TLR6: variants seen among roughly 807,000 people sequenced by gnomAD.
The protein encoded by TLR6 is toll-like receptor 6.
Under a neutral mutation model 16.1 loss-of-function variants are expected in TLR6, and 9 were observed. That is an observed-to-expected ratio of 0.56 (90% confidence interval 0.34 to 0.98). The LOEUF (loss-of-function observed/expected upper bound fraction) is 0.98. TLR6 is among the 50% of genes least tolerant of loss of function. The pLI, the probability that TLR6 is intolerant of heterozygous loss-of-function variation, is 0.02. For synonymous variants in TLR6, 340 were observed against 338.6 expected, an observed-to-expected ratio of 1.00 and a Z score of -0.04; for missense variants, 786 against 921.0, an observed-to-expected ratio of 0.85 and a Z score of 1.90.
intron 1 of TLR6, among the ~76,000 whole-genome samples, chr4:38,855,006 G>C (rs1008833061): frequency 6.6e-6 from 1 of 152,074 alleles, no homozygotes; most frequent in African/African-American, 2.4e-5. Flanking sequence ...TCAGGAGATC[G>C]AGACCATCCT....
chr4:38,860,736 T>C (rs539041750), upstream of TLR6, among the ~76,000 whole-genome samples: 52 of 151,860 alleles, frequency 3.4e-4, no homozygotes, highest in Non-Finnish European at 6.2e-4. Flanking sequence ...CTCAAACACA[T>C]GGAAAGGTAT....
exon 2 of TLR6, chr4:38,824,165 T>A (rs1727441054): frequency 1.3e-5 from 2 of 151,254 alleles, no homozygotes; most frequent in Admixed American, 6.6e-5. Context: ...TTCAGAGTCA[T>A]TTGCTCATCC....
chr4:38,852,881 G>A (rs1712824521), intron 1 of TLR6, among the ~76,000 whole-genome samples: 1 of 152,120 alleles, frequency 6.6e-6, no homozygotes, highest in Non-Finnish European at 1.5e-5. Flanking sequence ...CCATTACTGG[G>A]TATATACCCA....
the TLR6 span, chr4:38,868,058 A>T: frequency 1.5e-5 from 6 of 412,876 alleles, no homozygotes; most frequent in Admixed American, 5.1e-5. Flanking sequence ...CGGGCGTGTG[A>T]GTGTGTGTGT....
chr4:38,840,589 G>A (rs56386148), intron 1 of TLR6, among the ~76,000 whole-genome samples: 4,773 of 150,672 alleles, frequency 0.032, 223 homozygotes, highest in African/African-American at 0.089. Context: ...AGCCGAGATC[G>A]CGCCATTACA....
chr4:38,861,038 T>A (rs1010765812), upstream of TLR6, among the ~76,000 whole-genome samples: 7 of 152,100 alleles, frequency 4.6e-5, no homozygotes, highest in African/African-American at 1.4e-4. Context: ...TCTAGTGGTC[T>A]ATATCTTCTT....
chr4:38,839,117 G>A (rs1712106327), intron 1 of TLR6, among the ~76,000 whole-genome samples: 1 of 116,680 alleles, frequency 8.6e-6, no homozygotes, highest in South Asian at 3.6e-4. Context: ...GGCAAAGGGA[G>A]GGGAGGAAGG....
chr4:38,866,164 A>T, the TLR6 span, among the ~76,000 whole-genome samples: 141 of 151,502 alleles, frequency 9.3e-4, no homozygotes, highest in African/African-American at 3.2e-3. Context: ...AGCTTAAAAA[A>T]TTATTAATAT....
At chr4:38,833,459 A>G (rs562385697) in intron 1 of TLR6, among the ~76,000 whole-genome samples, 1 of 152,338 alleles carries the variant, frequency 6.6e-6, no homozygotes, top group Non-Finnish European at 1.5e-5. Context: ...TGAAGAAATC[A>G]TACAGAAACT....
intron 1 of TLR6, among the ~76,000 whole-genome samples, chr4:38,850,700 T>G (rs1466043577): frequency 1.3e-5 from 2 of 152,206 alleles, no homozygotes; most frequent in South Asian, 2.1e-4. Flanking sequence ...AATCCCTGAA[T>G]AGGCCAATAA....
At chr4:38,826,150 T>C (rs183861776) in exon 2 of TLR6, 2 of 152,470 alleles carry the variant, frequency 1.3e-5, no homozygotes, top group East Asian at 3.9e-4. Flanking sequence ...CCTTCTACCA[T>C]GCTGAGTCCC....
chr4:38,845,978 G>T (rs1712509642), intron 1 of TLR6, among the ~76,000 whole-genome samples: 1 of 151,620 alleles, frequency 6.6e-6, no homozygotes, highest in Non-Finnish European at 1.5e-5. Flanking sequence ...TGCAGTCCCA[G>T]CTATTCAGGA....
intron 1 of TLR6, among the ~76,000 whole-genome samples, chr4:38,845,207 C>T (rs1579255509): frequency 2.0e-5 from 3 of 152,090 alleles, no homozygotes; most frequent in East Asian, 1.9e-4. Flanking sequence ...CTATATTGAT[C>T]GATTGATAGA....
intron 1 of TLR6, among the ~76,000 whole-genome samples, chr4:38,837,708 T>G (rs1712005478): frequency 6.6e-6 from 1 of 152,028 alleles, no homozygotes; most frequent in Non-Finnish European, 1.5e-5. Context: ...TGGCTAAAAT[T>G]TCAAAAGTAC....
chr4:38,847,231 T>G (rs1712567683), intron 1 of TLR6, among the ~76,000 whole-genome samples: 1 of 152,198 alleles, frequency 6.6e-6, no homozygotes, highest in South Asian at 2.1e-4. Flanking sequence ...CTCAAATATC[T>G]AACTTTAATC....
exon 2 of TLR6, chr4:38,825,795 T>C (rs1727516907): frequency 6.6e-6 from 1 of 152,220 alleles, no homozygotes; most frequent in African/African-American, 2.4e-5. Flanking sequence ...CAAAGCCATG[T>C]GAAGAAATTC....
intron 1 of TLR6, among the ~76,000 whole-genome samples, chr4:38,844,753 A>T (rs1015848772): frequency 6.6e-6 from 1 of 152,226 alleles, no homozygotes; most frequent in African/African-American, 2.4e-5. Context: ...TTAAAATCAC[A>T]TTTAAAAATG....
intron 1 of TLR6, among the ~76,000 whole-genome samples, chr4:38,832,675 T>C (rs1711671982): frequency 6.6e-6 from 1 of 152,092 alleles, no homozygotes; most frequent in Admixed American, 6.5e-5. Context: ...TCCACACCCC[T>C]GAAGCCCCAC....
chr4:38,828,715 A>G, exon 2 of TLR6: 1 of 1,614,134 alleles, frequency 6.2e-7, no homozygotes, highest in Non-Finnish European at 8.5e-7. Flanking sequence ...TGAGGGTAAA[A>G]TTCAGTAAGG....
Sources: gnomAD v4.1 joint callset for allele counts (sites outside exome capture counted in the v4.1 genomes callset) on GRCh38, gnomAD v4.1.1 for gene constraint, MANE v1.5 for transcripts, NCBI Gene and HGNC (gene_info 2026-07-23, HGNC 2026-07-21) for gene names.